The following RSBN1 variants were observed in gnomAD, a reference collection of about 807,000 sequenced individuals.
RSBN1 encodes the protein round spermatid basic protein 1.
Under a neutral mutation model 74.8 loss-of-function variants are expected in RSBN1, and 23 were observed. The ratio of observed to expected loss-of-function variants is 0.31; its 90% CI spans 0.22 to 0.44. The LOEUF (loss-of-function observed/expected upper bound fraction) is 0.44. RSBN1 is among the 20% of genes least tolerant of loss of function. The probability of loss-of-function intolerance (pLI) is 1.00; values close to 1 mark genes in which losing one functional copy is unlikely to be tolerated. For missense variants in RSBN1, 808 were observed against 1,020.9 expected (o/e 0.79, Z 2.84); for synonymous variants, 407 against 379.6 (o/e 1.07, Z -0.84).
chr1:113,799,889 A>T (rs1007145048), intron 1 of RSBN1, among the ~76,000 whole-genome samples: 1 of 152,166 alleles, frequency 6.6e-6, no homozygotes, highest in Non-Finnish European at 1.5e-5. Context: ...ACGAACCTTC[A>T]AGTTTGGTCT....
intron 1 of RSBN1, among the ~76,000 whole-genome samples, chr1:113,798,960 T>C (rs1044605146): frequency 2.6e-5 from 4 of 152,212 alleles, no homozygotes; most frequent in Non-Finnish European, 5.9e-5. Flanking sequence ...ACTCCTGCTA[T>C]GGGCTCCCTT....
At position 113,812,245 on chromosome 1, in the gene RSBN1, C is replaced by G. The variant is rs141450686; in HGVS notation, c.168G>C (p.Val56=). Residue 56 remains valine, a synonymous_variant, in exon 1 of 7, where the codon GTG becomes GTC. Transcript: ENST00000261441. ...GCGCCGCCACCGCCCGTACTACGCGCACCGCTCCGACCTGCGCAGCCATTT... is the reference window on the plus strand; with the variant it reads ...GCGCCGCCACCGCCCGTACTACGCGGACCGCTCCGACCTGCGCAGCCATTT... The part of the protein sequence containing the change: ...VGEMAAQVGA[V]RVVRAVAAQE... The G allele has an allele frequency of 2.2e-3, 3,577 of 1,606,350 alleles. 8 individuals are homozygous for G. The highest frequency in any genetic ancestry group is 2.4e-3 in the Non-Finnish European group (2,845 of 1,179,854).
rs1197834620 is a variant in RSBN1 at position 113,764,839 on chromosome 1, C to A, written c.*1141G>T. The A allele has an allele frequency of 1.3e-5, 2 of 151,660 alleles. No homozygotes were observed. The highest frequency in any genetic ancestry group is 2.9e-5 in the Non-Finnish European group (2 of 67,840). The allele number at this position is 151,660 out of a possible 1,614,324, so 9.4% of individuals were successfully genotyped here. ...TTCTAAAATAACAGAAAGTTAGGAC[C>A]ATACTAGCAATGTGAACTGTGCCTG... On this transcript the variant is annotated 3_prime_UTR_variant, in exon 7 of 7. Coordinates refer to ENST00000261441, the MANE Select transcript of RSBN1 (RefSeq NM_018364.5).
chr1:113,777,428 A>T (rs542936430), intron 3 of RSBN1, 76 bp from the exon 4 acceptor site: 2 of 1,423,394 alleles, frequency 1.4e-6, no homozygotes, highest in South Asian at 1.4e-5. Flanking sequence ...CCCAAATAAA[A>T]GTTCTAAGAA....
At chr1:113,769,093 A>G (rs1034697827) in intron 4 of RSBN1, among the ~76,000 whole-genome samples, 3 of 152,166 alleles carry the variant, frequency 2.0e-5, no homozygotes, top group African/African-American at 7.2e-5. Context: ...AAACCTAATC[A>G]GCATGATAAT....
intron 4 of RSBN1, 150 bp from the exon 5 acceptor site, chr1:113,768,539 T>G (rs1659829303): frequency 1.8e-6 from 1 of 549,006 alleles, no homozygotes; most frequent in South Asian, 2.8e-5. Flanking sequence ...TTATGATCAT[T>G]AGCATTTAAC....
chr1:113,796,258 G>GCC (rs897992214), intron 2 of RSBN1: 3 of 152,280 alleles, frequency 2.0e-5, no homozygotes, highest in South Asian at 2.1e-4. Flanking sequence ...ATCTTGGGCA[G>GCC]CCCCATCTTG....
At chr1:113,772,889 A>T (rs190405254) in intron 4 of RSBN1, among the ~76,000 whole-genome samples, 2 of 152,340 alleles carry the variant, frequency 1.3e-5, no homozygotes, top group Admixed American at 1.3e-4. Flanking sequence ...AGGTGGATTA[A>T]ATATGTAAAT....
chr1:113,793,355 T>C (rs1334977448), intron 2 of RSBN1, among the ~76,000 whole-genome samples: 2 of 152,230 alleles, frequency 1.3e-5, no homozygotes, highest in African/African-American at 2.4e-5. Flanking sequence ...TCCAATTCAA[T>C]TCCTAATTGA....
At chr1:113,768,940 A>G (rs1046322093) in intron 4 of RSBN1, among the ~76,000 whole-genome samples, 1 of 151,724 alleles carries the variant, frequency 6.6e-6, no homozygotes, top group Non-Finnish European at 1.5e-5. Context: ...ATATATATAT[A>G]TACTTTTTTT....
chr1:113,802,264 T>C (rs1660600552), intron 1 of RSBN1, among the ~76,000 whole-genome samples: 1 of 151,466 alleles, frequency 6.6e-6, no homozygotes, highest in Non-Finnish European at 1.5e-5. Flanking sequence ...CCTACAAAAC[T>C]TAAGGTCTTA....
intron 1 of RSBN1, among the ~76,000 whole-genome samples, chr1:113,803,677 G>A (rs1015399267): frequency 2.0e-5 from 3 of 152,154 alleles, no homozygotes; most frequent in African/African-American, 7.2e-5. Flanking sequence ...AGAGGCAGTA[G>A]AGTGTACTAT....
chr1:113,768,048 G>T, intron 5 of RSBN1, 174 bp downstream of exon 5: 2 of 481,926 alleles, frequency 4.2e-6, no homozygotes, highest in Admixed American at 3.8e-5. Context: ...GCTCTGTTTC[G>T]TAACAATGTA....
At chr1:113,777,402 T>A (rs112781731) in intron 3 of RSBN1, 50 bp from the exon 4 acceptor site, 1 of 1,555,854 alleles carries the variant, frequency 6.4e-7, no homozygotes, top group South Asian at 1.2e-5. Flanking sequence ...CAATGATTTA[T>A]AAGTTAATCC....
At chr1:113,782,033 C>T (rs1660148663) in intron 2 of RSBN1, among the ~76,000 whole-genome samples, 1 of 152,146 alleles carries the variant, frequency 6.6e-6, no homozygotes, top group Non-Finnish European at 1.5e-5. Flanking sequence ...ACTAGAAAAT[C>T]CTTTTTAAGG....
rs1188517538 is a variant in RSBN1, at chr1:113,764,774, T to C, written c.*1206A>G. 1 of 152,258 alleles carries C rather than the reference T, an allele frequency of 6.6e-6. No individual in the cohort carries two copies. Among genetic ancestry groups the C allele is most frequent in the African/African-American group, 2.4e-5 (1 of 41,426 alleles). 9.4% of individuals were successfully genotyped at this position (152,258 alleles called of 1,614,324 possible). A position where few individuals can be genotyped will look rare whatever the true frequency, so the allele number is the denominator to read the frequency against. Reference sequence around the variant, plus strand: ...ATTAATAAACAAAAGGCCTACTGTATTATTAACTAAGAGAAAGTATAATGT... The same window carrying C: ...ATTAATAAACAAAAGGCCTACTGTACTATTAACTAAGAGAAAGTATAATGT... On this transcript the variant is annotated 3_prime_UTR_variant, in exon 7 of 7. Coordinates refer to ENST00000261441, the MANE Select transcript of RSBN1 (RefSeq NM_018364.5).
Position 113,812,024 on chromosome 1 carries a change from G to A in RSBN1, c.389C>T (p.Ala130Val). Reference sequence around the variant, plus strand: ...AACAGGGCCTGGGACAGTTGGGGCTGCATTCGTTGGCGGCAGCGGCCCAGG... The same window carrying A: ...AACAGGGCCTGGGACAGTTGGGGCTACATTCGTTGGCGGCAGCGGCCCAGG... ...QHPGPLPPTN[A>V]APTVPGPVEP... The change falls in exon 1 of 7, where the codon GCA (alanine) becomes GTA (valine). Residue 130 changes from alanine to valine, a missense_variant. Around this residue, in one of 6 missense-constraint regions of RSBN1, gnomAD observed 464 missense variants for 401.0 expected, o/e 1.16. Transcript: ENST00000261441. 1.3e-6 allele frequency: 2 copies of A among 1,532,008 alleles called. No individual in the cohort carries two copies. Among genetic ancestry groups the A allele is most frequent in the Non-Finnish European group, 8.8e-7 (1 of 1,140,084 alleles). 94.9% of individuals were successfully genotyped at this position (1,532,008 alleles called of 1,614,324 possible). A position where few individuals can be genotyped will look rare whatever the true frequency, so the allele number is the denominator to read the frequency against.
In RSBN1 at chr1:113,812,104, C is replaced by T. The variant is rs762233749; in HGVS notation, c.309G>A (p.Pro103=). ...GGGGAGCGAGAGGGGGCTCCTGGCT[C>T]GGCCGCCCCCGCTTCTCCTGAGACC... ...SGGSQEKRGR[P]SQEPPLAPPH... Residue 103 remains proline (P), a synonymous_variant, in exon 1 of 7, where the codon CCG becomes CCA. Transcript: ENST00000261441. 1.6e-5 allele frequency: 26 copies of T among 1,597,970 alleles called. No individual in the cohort carries two copies. The highest frequency in any genetic ancestry group is 5.1e-5 in the Admixed American group (3 of 58,534).
chr1:113,780,552 G>C (rs1236278754), intron 2 of RSBN1, among the ~76,000 whole-genome samples: 1 of 152,202 alleles, frequency 6.6e-6, no homozygotes, highest in Non-Finnish European at 1.5e-5. Flanking sequence ...AGGAAGGCGG[G>C]AGCAACAGAA....
Sources: allele counts gnomAD v4.1 joint callset (sites outside exome capture counted in the v4.1 genomes callset), GRCh38; gene constraint gnomAD v4.1.1; regional missense constraint gnomAD v4.1.1; transcripts MANE v1.5; gene names NCBI Gene and HGNC (gene_info 2026-07-23, HGNC 2026-07-21).